The following TBC1D19 variants were observed in gnomAD, a reference collection of about 807,000 sequenced individuals.
TBC1D19 encodes TBC1 domain family, member 19.
TBC1D19 carries 60 observed loss-of-function variants against 89.0 expected under a neutral mutation model. That is an observed-to-expected ratio of 0.67 (90% CI 0.55 to 0.84). TBC1D19 has a LOEUF of 0.84. Among genes scored for constraint, TBC1D19 ranks in the 40% least tolerant of loss-of-function variants. The pLI is 0.00. For missense variants in TBC1D19, 500 were observed against 610.8 expected, an observed-to-expected ratio of 0.82 and a Z score of 1.91; for synonymous variants, 189 against 199.7, an observed-to-expected ratio of 0.95 and a Z score of 0.45.
intron 7 of TBC1D19, 85 bp from the exon 8 acceptor site, chr4:26,659,512 A>C: frequency 1.3e-6 from 1 of 750,344 alleles, no homozygotes; most frequent in Non-Finnish European, 2.2e-6. Flanking sequence ...TTTTGTGGTG[A>C]TACACTAAGA....
chr4:26,815,443 A>AT, the TBC1D19 span, among the ~76,000 whole-genome samples: 1 of 152,254 alleles, frequency 6.6e-6, no homozygotes, highest in Non-Finnish European at 1.5e-5. Flanking sequence ...TGAGCAATGC[A>AT]TTCAGTTGAG....
chr4:26,815,573 A>T, the TBC1D19 span, among the ~76,000 whole-genome samples: 1 of 152,178 alleles, frequency 6.6e-6, no homozygotes, highest in African/African-American at 2.4e-5. Flanking sequence ...GTGCCAAAAC[A>T]GGTTCTGTGT....
At chr4:26,820,577 T>A in the TBC1D19 span, among the ~76,000 whole-genome samples, 20 of 152,340 alleles carry the variant, frequency 1.3e-4, no homozygotes, top group Non-Finnish European at 2.4e-4. Context: ...TACCACATTT[T>A]AAAAATCTAT....
intron 15 of TBC1D19, among the ~76,000 whole-genome samples, chr4:26,723,754 A>C (rs11937465): frequency 0.38 from 57,199 of 151,998 alleles, 11,765 homozygotes; most frequent in Non-Finnish European, 0.47. Context: ...CATTTGATAA[A>C]TATTTATTTA....
chr4:26,645,765 G>A (rs564782789), intron 7 of TBC1D19, among the ~76,000 whole-genome samples: 13 of 152,286 alleles, frequency 8.5e-5, no homozygotes, highest in African/African-American at 3.1e-4. Context: ...ATGTGACATA[G>A]GGTTAATATC....
chr4:26,745,533 A>G (rs1212580540), intron 18 of TBC1D19, among the ~76,000 whole-genome samples: 4 of 92,340 alleles, frequency 4.3e-5, no homozygotes, highest in Admixed American at 1.8e-4. Flanking sequence ...TTTGAGATGG[A>G]GTCTCACTCT....
intron 1 of TBC1D19, among the ~76,000 whole-genome samples, chr4:26,609,318 C>A (rs183577733): frequency 2.0e-5 from 3 of 152,126 alleles, no homozygotes; most frequent in Non-Finnish European, 4.4e-5. Context: ...CCATTCCTTG[C>A]CTTTGAATTT....
At chr4:26,727,952 CTACT>C (rs35346462) in intron 15 of TBC1D19, among the ~76,000 whole-genome samples, 5,476 of 152,186 alleles carry the variant, frequency 0.036, 314 homozygotes, top group African/African-American at 0.13. Flanking sequence ...TGTATCCTAG[CTACT>C]TAAAGAGAAG....
intron 16 of TBC1D19, among the ~76,000 whole-genome samples, chr4:26,737,379 A>G (rs1373310830): frequency 6.6e-6 from 1 of 152,174 alleles, no homozygotes; most frequent in Non-Finnish European, 1.5e-5. Flanking sequence ...AAAAATGTTC[A>G]CTTTTTATCT....
chr4:26,699,192 AGTGG>A, intron 13 of TBC1D19, among the ~76,000 whole-genome samples: 1 of 152,220 alleles, frequency 6.6e-6, no homozygotes, highest in African/African-American at 2.4e-5. Context: ...CCCATCAAAA[AGTGG>A]GTGGAGGATA....
intron 19 of TBC1D19, 33 bp from the exon 20 acceptor site, chr4:26,753,787 C>A: frequency 6.2e-7 from 1 of 1,612,944 alleles, no homozygotes; most frequent in Non-Finnish European, 8.5e-7. Context: ...GATGAGTAGG[C>A]CAGCAGTTGA....
chr4:26,642,368 C>T (rs905146275), intron 7 of TBC1D19, among the ~76,000 whole-genome samples: 1 of 152,168 alleles, frequency 6.6e-6, no homozygotes, highest in East Asian at 1.9e-4. Flanking sequence ...CCTTTACAGA[C>T]AAGCAAATAC....
At chr4:26,724,228 A>T (rs1717155175) in intron 15 of TBC1D19, among the ~76,000 whole-genome samples, 1 of 152,186 alleles carries the variant, frequency 6.6e-6, no homozygotes, top group Non-Finnish European at 1.5e-5. Flanking sequence ...TCAGTTAGGG[A>T]GATAGTTGAC....
chr4:26,594,239 G>A (rs1740037429), intron 1 of TBC1D19, among the ~76,000 whole-genome samples: 1 of 152,018 alleles, frequency 6.6e-6, no homozygotes, highest in Non-Finnish European at 1.5e-5. Flanking sequence ...CTATCGCATG[G>A]ACAAAAAACC....
In TBC1D19 at chr4:26,727,510, G is replaced by C. The variant is rs115243982; in HGVS notation, c.1084+7385G>C. ...TTTGCCTTCTGAGAGCATAAAATAG[G>C]TATGGGTTATTGAGCATCTGCTATG... On this transcript the variant is annotated intron_variant, in intron 15 of 20. Transcript: ENST00000264866. 2.6e-3 allele frequency among the ~76,000 whole-genome samples: 389 copies of C among 152,290 alleles called. 4 individuals are homozygous for C. The highest frequency in any genetic ancestry group is 9.1e-3 in the African/African-American group (379 of 41,562).
At chr4:26,727,250 A>T (rs1009022993) in intron 15 of TBC1D19, among the ~76,000 whole-genome samples, 1 of 152,172 alleles carries the variant, frequency 6.6e-6, no homozygotes, top group Non-Finnish European at 1.5e-5. Context: ...AACCTCTAAG[A>T]TCAAAGAAAT....
At chr4:26,577,016 TG>T (rs1388689856) in intron 1 of TBC1D19, among the ~76,000 whole-genome samples, 1 of 152,142 alleles carries the variant, frequency 6.6e-6, no homozygotes, top group Non-Finnish European at 1.5e-5. Context: ...CTCCATAATG[TG>T]GGTGGGACTC....
At chr4:26,661,968 A>G (rs933553195) in intron 8 of TBC1D19, among the ~76,000 whole-genome samples, 15 of 152,204 alleles carry the variant, frequency 9.9e-5, no homozygotes, top group Non-Finnish European at 1.6e-4. Context: ...GATACCACAC[A>G]GGTGGCTAAG....
chr4:26,677,946 A>C (rs1480998141), intron 11 of TBC1D19, among the ~76,000 whole-genome samples: 3 of 152,158 alleles, frequency 2.0e-5, no homozygotes, highest in Admixed American at 2.0e-4. Context: ...ATTTCTTCAT[A>C]ACAGCATGAG....
Sources: gnomAD v4.1 joint callset for allele counts (sites outside exome capture counted in the v4.1 genomes callset) on GRCh38, gnomAD v4.1.1 for gene constraint, MANE v1.5 for transcripts, NCBI Gene and HGNC (gene_info 2026-07-23, HGNC 2026-07-21) for gene names.